TNIK: variants seen among roughly 807,000 people sequenced by gnomAD.
TNIK encodes the protein TRAF2 and NCK interacting kinase, also known as TRAF2 and NCK-interacting protein kinase.
TNIK carries 49 observed loss-of-function variants against 191.3 expected under a neutral mutation model. That is an observed-to-expected ratio of 0.26 (90% CI 0.20 to 0.32). The LOEUF is 0.32. Ranked by LOEUF, TNIK falls within the 10% of genes least tolerant of loss-of-function variation. TNIK has a pLI of 1.00. For synonymous variants in TNIK, 594 were observed against 600.9 expected (o/e 0.99, Z 0.17); for missense variants, 1,155 against 1,702.3 (o/e 0.68, Z 5.66).
At chr3:171,200,344 G>A (rs1739256068) in intron 4 of TNIK, among the ~76,000 whole-genome samples, 1 of 152,170 alleles carries the variant, frequency 6.6e-6, no homozygotes, top group Non-Finnish European at 1.5e-5. Context: ...AGCACAGTGT[G>A]GAGCAACCAA....
chr3:171,183,134 A>G (rs1287182134), intron 7 of TNIK, among the ~76,000 whole-genome samples: 1 of 152,220 alleles, frequency 6.6e-6, no homozygotes, highest in Non-Finnish European at 1.5e-5. Flanking sequence ...GTGGTGGTCA[A>G]AGAGGTCACA....
At chr3:171,390,289 C>T (rs1439742822) in intron 1 of TNIK, among the ~76,000 whole-genome samples, 4 of 152,170 alleles carry the variant, frequency 2.6e-5, no homozygotes, top group Non-Finnish European at 5.9e-5. Flanking sequence ...TAAAATGCCA[C>T]CCAACTGTCA....
chr3:171,295,499 T>G (rs1226053191), intron 2 of TNIK, among the ~76,000 whole-genome samples: 2 of 152,188 alleles, frequency 1.3e-5, no homozygotes, highest in Non-Finnish European at 2.9e-5. Context: ...TCACATCTCC[T>G]GTCCCCCAAC....
At chr3:171,450,114 G>A (rs1315949151) in intron 1 of TNIK, among the ~76,000 whole-genome samples, 8 of 151,966 alleles carry the variant, frequency 5.3e-5, no homozygotes, top group Non-Finnish European at 8.8e-5. Flanking sequence ...TGCATTTTTT[G>A]GGCCCTGGAG....
intron 6 of TNIK, 43 bp downstream of exon 6, chr3:171,190,654 A>C: frequency 6.8e-7 from 1 of 1,461,540 alleles, no homozygotes; most frequent in Non-Finnish European, 9.4e-7. Flanking sequence ...ATATAATCTC[A>C]TCACTTCCTG....
chr3:171,249,042 A>C (rs1381282121), intron 2 of TNIK, among the ~76,000 whole-genome samples: 2 of 152,274 alleles, frequency 1.3e-5, no homozygotes, highest in Admixed American at 1.3e-4. Flanking sequence ...TTTTATTTTC[A>C]GAACTCTGGT....
intron 2 of TNIK, among the ~76,000 whole-genome samples, chr3:171,308,282 C>T (rs1410505627): frequency 6.6e-6 from 1 of 152,078 alleles, no homozygotes; most frequent in East Asian, 1.9e-4. Context: ...ACGCCTACAA[C>T]CACCTGATCT....
chr3:171,431,028 G>C (rs944028661), intron 1 of TNIK, among the ~76,000 whole-genome samples: 1 of 152,014 alleles, frequency 6.6e-6, no homozygotes, highest in Non-Finnish European at 1.5e-5. Flanking sequence ...CAGTAATAAT[G>C]AATTACGCAC....
At chr3:171,282,902 T>C (rs1750623364) in intron 2 of TNIK, among the ~76,000 whole-genome samples, 1 of 152,116 alleles carries the variant, frequency 6.6e-6, no homozygotes, top group East Asian at 1.9e-4. Context: ...ACCTGGGCAA[T>C]TGCTGCTGTT....
chr3:171,110,103 T>C (rs1229630724), intron 19 of TNIK, among the ~76,000 whole-genome samples: 2 of 152,122 alleles, frequency 1.3e-5, no homozygotes, highest in Admixed American at 6.5e-5. Context: ...ATGGGGTTTC[T>C]CCATGTTAGT....
rs144700621 is a variant in TNIK, at chr3:171,293,943, G to A, written c.124-65722C>T. Among the ~76,000 whole-genome samples the A allele has an allele frequency of 4.3e-3, 651 of 152,262 alleles. 2 individuals are homozygous for A. The highest frequency in any genetic ancestry group is 0.015 in the African/African-American group (610 of 41,536). On this transcript the variant is annotated intron_variant, in intron 2 of 32. Coordinates refer to ENST00000436636, the MANE Select transcript of TNIK (RefSeq NM_015028.4). ...AAAAATAAAAAATATAAAACTGGCC[G>A]GCTGGGCGCAGTGGCTCAAGCCTGT...
At chr3:171,322,491 G>C (rs1755264739) in intron 2 of TNIK, among the ~76,000 whole-genome samples, 1 of 152,010 alleles carries the variant, frequency 6.6e-6, no homozygotes, top group Admixed American at 6.5e-5. Context: ...CATATATAAA[G>C]TACATCATTT....
At chr3:171,165,710 C>T (rs1734529891) in intron 10 of TNIK, among the ~76,000 whole-genome samples, 2 of 152,218 alleles carry the variant, frequency 1.3e-5, no homozygotes, top group East Asian at 1.9e-4. Context: ...AGAACAAGCA[C>T]ATCACCATGT....
intron 3 of TNIK, among the ~76,000 whole-genome samples, chr3:171,218,614 A>G (rs1473386121): frequency 6.6e-6 from 1 of 150,616 alleles, no homozygotes; most frequent in Non-Finnish European, 1.5e-5. Context: ...AATAACTAGC[A>G]AGTTCTCTGT....
At chr3:171,302,818 T>G (rs1001574676) in intron 2 of TNIK, among the ~76,000 whole-genome samples, 1 of 152,200 alleles carries the variant, frequency 6.6e-6, no homozygotes, top group African/African-American at 2.4e-5. Context: ...ATAAAGCCCT[T>G]TGCACCTGCA....
rs762019036 is a variant in TNIK at position 171,110,763 on chromosome 3, G to A, written c.2235C>T (p.Gly745=). ...TPSSQPSSQG[G]SQPGSQAGSS... is the part of the protein sequence containing the mutation. ...ATCCTGCTTGTGATCCAGGCTGGGA[G>A]CCTCCTTGGGAGCTGGGCTGGGAGC... The change falls in exon 19 of 33, where the codon GGC becomes GGT. Residue 745 remains glycine (G), a synonymous_variant. Coordinates refer to ENST00000436636, the MANE Select transcript of TNIK (RefSeq NM_015028.4). 5 of 1,602,962 alleles carry A rather than the reference G, an allele frequency of 3.1e-6. No homozygotes were observed. In the East Asian group the frequency reaches 1.1e-4, roughly 36 times the overall value.
Position 171,362,838 on chromosome 3 carries a change from T to C in TNIK, c.123+6782A>G, listed in dbSNP as rs148128584. On this transcript the variant is annotated intron_variant, in intron 2 of 32. Transcript: ENST00000436636. ...TGCTCCAAAGTCCTTTTCATTATAC[T>C]CTTTCCACTTATAAAAATGCTCAAT... Among the ~76,000 whole-genome samples the C allele has an allele frequency of 4.8e-3, 738 of 152,296 alleles. 6 individuals are homozygous for C. Among genetic ancestry groups the C allele is most frequent in the Non-Finnish European group, 7.8e-3 (529 of 68,036 alleles).
At chr3:171,303,892 G>A (rs1401842576) in intron 2 of TNIK, among the ~76,000 whole-genome samples, 3 of 152,134 alleles carry the variant, frequency 2.0e-5, no homozygotes, top group Admixed American at 6.6e-5. Context: ...TTATGACTGT[G>A]AGTCAGGTGA....
intron 1 of TNIK, among the ~76,000 whole-genome samples, chr3:171,429,774 A>T (rs912470298): frequency 6.6e-6 from 1 of 152,116 alleles, no homozygotes; most frequent in Admixed American, 6.5e-5. Flanking sequence ...TCTCTACTCT[A>T]TGTTAATTGC....
Sources: gnomAD v4.1 joint callset for allele counts (sites outside exome capture counted in the v4.1 genomes callset) on GRCh38, gnomAD v4.1.1 for gene constraint, MANE v1.5 for transcripts, NCBI Gene and HGNC (gene_info 2026-07-23, HGNC 2026-07-21) for gene names.